Variants in TENM3 observed in about 807,000 individuals in gnomAD.
TENM3 encodes teneurin transmembrane protein 3, also known as teneurin-3.
In TENM3, 63 loss-of-function variants were observed where a neutral mutation model predicts 255.1. That is an observed-to-expected ratio of 0.25 (90% CI 0.20 to 0.30). The LOEUF is 0.30. TENM3 is among the 10% of genes least tolerant of loss of function. The pLI is 1.00. For missense variants in TENM3, 2,929 were observed against 3,461.1 expected, an observed-to-expected ratio of 0.85 and a Z score of 3.86; for synonymous variants, 1,306 against 1,322.3, an observed-to-expected ratio of 0.99 and a Z score of 0.27.
chr4:182,213,915 C>G (rs558704166), intron 1 of TENM3, among the ~76,000 whole-genome samples: 45 of 152,168 alleles, frequency 3.0e-4, no homozygotes, highest in African/African-American at 1.0e-3. Context: ...CATTCTCCTG[C>G]CTCAGCCTCC....
chr4:181,784,074 C>T, the TENM3 span, among the ~76,000 whole-genome samples: 4 of 152,140 alleles, frequency 2.6e-5, no homozygotes, highest in Non-Finnish European at 4.4e-5. Context: ...ATTGCTCTGG[C>T]TAGGACATCC....
the TENM3 span, among the ~76,000 whole-genome samples, chr4:182,037,858 G>A: frequency 6.6e-6 from 1 of 151,930 alleles, no homozygotes; most frequent in Admixed American, 6.6e-5. Flanking sequence ...TAGAGACAGG[G>A]TCCCTCTTTG....
intron 3 of TENM3, among the ~76,000 whole-genome samples, chr4:182,420,935 A>G (rs1486442776): frequency 1.1e-4 from 17 of 152,164 alleles, no homozygotes; most frequent in African/African-American, 4.8e-5. Flanking sequence ...CTTATTCTAT[A>G]CATTATCCTG....
At chr4:182,108,233 A>G in the TENM3 span, among the ~76,000 whole-genome samples, 1 of 152,202 alleles carries the variant, frequency 6.6e-6, no homozygotes, top group Non-Finnish European at 1.5e-5. Flanking sequence ...ATCCCTGATT[A>G]TACTGGAAGT....
chr4:181,603,255 G>A, the TENM3 span, among the ~76,000 whole-genome samples: 3 of 152,156 alleles, frequency 2.0e-5, no homozygotes, highest in Admixed American at 6.5e-5. Flanking sequence ...ACATATCATG[G>A]CGTGAATCTT....
chr4:182,326,112 G>A (rs925040451), intron 2 of TENM3, among the ~76,000 whole-genome samples: 1 of 152,236 alleles, frequency 6.6e-6, no homozygotes, highest in Non-Finnish European at 1.5e-5. Context: ...CAGGCGGCCA[G>A]GGAGGCCTTG....
At chr4:181,615,993 G>A in the TENM3 span, among the ~76,000 whole-genome samples, 2 of 151,992 alleles carry the variant, frequency 1.3e-5, no homozygotes, top group African/African-American at 2.4e-5. Flanking sequence ...CATTTGTTTT[G>A]TGGTTATTAG....
At chr4:182,661,918 C>T (rs1432346129) in intron 6 of TENM3, among the ~76,000 whole-genome samples, 3 of 152,138 alleles carry the variant, frequency 2.0e-5, no homozygotes, top group African/African-American at 7.2e-5. Context: ...AGGCAGGTGG[C>T]AAATTCATGA....
the TENM3 span, among the ~76,000 whole-genome samples, chr4:181,583,129 A>ATTTAAT: frequency 0.17 from 1,505 of 8,726 alleles, 16 homozygotes; most frequent in South Asian, 0.35. Flanking sequence ...CTTCTGTAGT[A>ATTTAAT]TTTTTTTTTT....
the TENM3 span, among the ~76,000 whole-genome samples, chr4:181,670,707 G>A: frequency 6.6e-6 from 1 of 152,174 alleles, no homozygotes; most frequent in African/African-American, 2.4e-5. Flanking sequence ...TGAAGGTACA[G>A]TCTTCACATA....
chr4:181,814,584 A>ATGTGTGTG, the TENM3 span, among the ~76,000 whole-genome samples: 1 of 117,004 alleles, frequency 8.5e-6, no homozygotes, highest in African/African-American at 3.6e-5. Context: ...ATATTTTTAA[A>ATGTGTGTG]TGCGTGTGTG....
chr4:181,907,060 A>G, the TENM3 span, among the ~76,000 whole-genome samples: 1 of 151,896 alleles, frequency 6.6e-6, no homozygotes, highest in African/African-American at 2.4e-5. Context: ...ACCGCACTCT[A>G]TTTTTAGTAA....
chr4:181,616,304 A>G, the TENM3 span, among the ~76,000 whole-genome samples: 1 of 123,330 alleles, frequency 8.1e-6, no homozygotes, highest in Non-Finnish European at 1.7e-5. Flanking sequence ...AAAAAAAAGA[A>G]CCCATAGAAT....
the TENM3 span, among the ~76,000 whole-genome samples, chr4:182,054,012 G>A: frequency 6.6e-6 from 1 of 152,184 alleles, no homozygotes; most frequent in East Asian, 1.9e-4. Flanking sequence ...AGGGAATGAT[G>A]TCGATCGCCT....
chr4:182,628,586 G>T, intron 4 of TENM3, 65 bp from the exon 5 acceptor site: 3 of 1,046,814 alleles, frequency 2.9e-6, no homozygotes, highest in South Asian at 2.8e-5. Context: ...TAAATGCATC[G>T]CTGTCTCTTG....
chr4:182,245,057 C>A (rs1359524958), intron 1 of TENM3, among the ~76,000 whole-genome samples: 1 of 152,124 alleles, frequency 6.6e-6, no homozygotes, highest in Non-Finnish European at 1.5e-5. Context: ...CAGAAACATT[C>A]AAAACAATCG....
the TENM3 span, among the ~76,000 whole-genome samples, chr4:181,917,492 A>AG: frequency 6.6e-6 from 1 of 152,046 alleles, no homozygotes; most frequent in South Asian, 2.1e-4. Flanking sequence ...AAAATCCTCA[A>AG]GGGCAGAGAA....
the TENM3 span, among the ~76,000 whole-genome samples, chr4:182,088,836 A>T: frequency 7.3e-6 from 1 of 137,228 alleles, no homozygotes. Context: ...TCCATCTCTA[A>T]AGAAAAAAAA....
chr4:182,421,871 T>G (rs1770859341), intron 3 of TENM3, among the ~76,000 whole-genome samples: 1 of 152,294 alleles, frequency 6.6e-6, no homozygotes, highest in Admixed American at 6.5e-5. Flanking sequence ...AATGGCCCTT[T>G]AGATCTACCA....
Sources: allele counts gnomAD v4.1 joint callset (sites outside exome capture counted in the v4.1 genomes callset), GRCh38; gene constraint gnomAD v4.1.1; transcripts MANE v1.5; gene names NCBI Gene and HGNC (gene_info 2026-07-23, HGNC 2026-07-21).